RAB2A: variants seen among roughly 807,000 people sequenced by gnomAD.
RAB2A encodes RAB2A, member RAS oncogene family.
RAB2A carries 7 observed loss-of-function variants against 32.5 expected under a neutral mutation model. That is an observed-to-expected ratio of 0.22 (90% CI 0.12 to 0.40). RAB2A has a LOEUF of 0.40. Among genes scored for constraint, RAB2A ranks in the 10% least tolerant of loss-of-function variants. RAB2A has a pLI of 1.00. For synonymous variants in RAB2A, 79 were observed against 85.2 expected, an observed-to-expected ratio of 0.93 and a Z score of 0.40; for missense variants, 108 against 260.7, an observed-to-expected ratio of 0.41 and a Z score of 4.03.
chr8:60,579,727 A>C (rs1164376945), intron 3 of RAB2A, among the ~76,000 whole-genome samples: 2 of 151,574 alleles, frequency 1.3e-5, no homozygotes, highest in African/African-American at 4.9e-5. Flanking sequence ...TCCCAGGTTC[A>C]CGCCATTCTC....
intron 1 of RAB2A, among the ~76,000 whole-genome samples, chr8:60,543,740 A>G (rs1482027889): frequency 6.6e-6 from 1 of 152,140 alleles, no homozygotes; most frequent in African/African-American, 2.4e-5. Context: ...GCATGAAAAC[A>G]ATTCCGAAAT....
At chr8:60,619,881 G>T (rs1169108271) in intron 7 of RAB2A, among the ~76,000 whole-genome samples, 14 of 152,202 alleles carry the variant, frequency 9.2e-5, no homozygotes, top group Non-Finnish European at 2.1e-4. Flanking sequence ...CCCAGAGGGG[G>T]CAAAATCAAT....
At chr8:60,555,418 A>G (rs1187841863) in intron 1 of RAB2A, among the ~76,000 whole-genome samples, 5 of 152,160 alleles carry the variant, frequency 3.3e-5, no homozygotes, top group Non-Finnish European at 7.3e-5. Context: ...AGCAAAGGAA[A>G]CAATCAATAG....
chr8:60,539,029 T>C (rs544497740), intron 1 of RAB2A, among the ~76,000 whole-genome samples: 1 of 152,318 alleles, frequency 6.6e-6, no homozygotes, highest in East Asian at 1.9e-4. Flanking sequence ...TTTTAGAAAT[T>C]GATAGTTTTT....
chr8:60,595,986 C>T (rs948971141), intron 6 of RAB2A, among the ~76,000 whole-genome samples: 2 of 152,106 alleles, frequency 1.3e-5, no homozygotes, highest in African/African-American at 2.4e-5. Flanking sequence ...TGTCAGTGAG[C>T]AAGTCTTGAA....
intron 1 of RAB2A, among the ~76,000 whole-genome samples, chr8:60,525,633 A>C (rs1395788328): frequency 6.6e-6 from 1 of 152,034 alleles, no homozygotes; most frequent in Non-Finnish European, 1.5e-5. Context: ...CCCAGTTCTC[A>C]CTTTAAAATA....
At position 60,583,974 on chromosome 8, in the gene RAB2A, G is replaced by A. The variant is rs1803807125; in HGVS notation, c.187-234G>A. On this transcript the variant is annotated intron_variant, in intron 3 of 7. Coordinates refer to ENST00000262646, the MANE Select transcript of RAB2A (RefSeq NM_002865.3). ...CAAAAAGGGTTTAGAGGTCTTGCGG[G>A]CTGGGGAGGTTGCAGGAGCGACTAC... 3.3e-5 allele frequency: 12 copies of A among 368,282 alleles called. 1 individual carries two copies. The South Asian group carries it at 4.2e-4, about 13-fold the overall frequency. The allele number at this position is 368,282 out of a possible 1,614,324, so 22.8% of individuals were successfully genotyped here.
At chr8:60,548,928 C>T (rs1807796132) in intron 1 of RAB2A, among the ~76,000 whole-genome samples, 1 of 143,750 alleles carries the variant, frequency 7.0e-6, no homozygotes, top group Non-Finnish European at 1.5e-5. Flanking sequence ...TCAGACAGGG[C>T]AGTTGCCAGG....
chr8:60,545,297 T>G (rs780621565), intron 1 of RAB2A, among the ~76,000 whole-genome samples: 6 of 152,170 alleles, frequency 3.9e-5, no homozygotes, highest in Non-Finnish European at 7.3e-5. Context: ...TTCAGGAATC[T>G]GCCTTTTTTT....
At chr8:60,574,287 A>T (rs73261204) in intron 3 of RAB2A, among the ~76,000 whole-genome samples, 12,452 of 152,108 alleles carry the variant, frequency 0.082, 1,546 homozygotes, top group African/African-American at 0.27. Flanking sequence ...TACATTATCT[A>T]CCCTTCTCAG....
intron 1 of RAB2A, among the ~76,000 whole-genome samples, chr8:60,523,751 C>T (rs1201615347): frequency 2.7e-5 from 4 of 147,992 alleles, no homozygotes; most frequent in African/African-American, 5.0e-5. Context: ...AGTGCAGTGG[C>T]GCGATCTCGG....
intron 3 of RAB2A, chr8:60,576,375 T>C (rs1217417734): frequency 1.2e-5 from 5 of 429,820 alleles, no homozygotes; most frequent in Non-Finnish European, 2.3e-5. Flanking sequence ...ACTTTTTCTC[T>C]TGCCTTCTAT....
chr8:60,532,430 C>T (rs1807490757), intron 1 of RAB2A, among the ~76,000 whole-genome samples: 1 of 152,116 alleles, frequency 6.6e-6, no homozygotes, highest in South Asian at 2.1e-4. Context: ...AGTCACCAGT[C>T]CTCTATGTAA....
intron 2 of RAB2A, chr8:60,570,082 C>A (rs1167714477): frequency 2.2e-6 from 1 of 454,770 alleles, no homozygotes; most frequent in South Asian, 1.6e-5. Context: ...CTTTAGCCCT[C>A]TGCTCAAGAT....
At chr8:60,609,960 C>CA (rs5891772) in intron 6 of RAB2A, among the ~76,000 whole-genome samples, 2,401 of 80,260 alleles carry the variant, frequency 0.03, 52 homozygotes, top group South Asian at 0.059. Flanking sequence ...CCCTGTGTCT[C>CA]AAAAAAAAAA....
chr8:60,577,471 A>G (rs1017985233), intron 3 of RAB2A, among the ~76,000 whole-genome samples: 1 of 152,190 alleles, frequency 6.6e-6, no homozygotes, highest in Non-Finnish European at 1.5e-5. Context: ...GTGCAGGTTG[A>G]CTTTTTCACC....
intron 2 of RAB2A, among the ~76,000 whole-genome samples, chr8:60,561,495 A>G (rs1297042065): frequency 6.6e-6 from 1 of 152,034 alleles, no homozygotes; most frequent in Non-Finnish European, 1.5e-5. Context: ...CCTGTTTCTC[A>G]TTCTCCCATC....
At chr8:60,526,707 C>T (rs557798129) in intron 1 of RAB2A, among the ~76,000 whole-genome samples, 14 of 152,278 alleles carry the variant, frequency 9.2e-5, no homozygotes, top group Non-Finnish European at 1.3e-4. Context: ...TGATGGTTCA[C>T]GCCTGTAATC....
At chr8:60,594,702 A>G (rs1403261707) in intron 6 of RAB2A, among the ~76,000 whole-genome samples, 1 of 152,136 alleles carries the variant, frequency 6.6e-6, no homozygotes, top group African/African-American at 2.4e-5. Context: ...CTCATTGTTC[A>G]GTTCCCACCT....
Sources: allele counts gnomAD v4.1 joint callset (sites outside exome capture counted in the v4.1 genomes callset), GRCh38; gene constraint gnomAD v4.1.1; transcripts MANE v1.5; gene names NCBI Gene and HGNC (gene_info 2026-07-23, HGNC 2026-07-21).